The following TMEM132B variants were observed in gnomAD, a reference collection of about 807,000 sequenced individuals.
The protein encoded by TMEM132B is transmembrane protein 132B.
TMEM132B carries 18 observed loss-of-function variants against 90.8 expected under a neutral mutation model. That is an observed-to-expected ratio of 0.20 (90% CI 0.14 to 0.29). The LOEUF (loss-of-function observed/expected upper bound fraction) is 0.29. TMEM132B is among the 10% of genes least tolerant of loss of function. The pLI is 1.00. For missense variants in TMEM132B, 1,096 were observed against 1,326.8 expected (o/e 0.83, Z 2.70); for synonymous variants, 504 against 523.3 (o/e 0.96, Z 0.50).
chr12:125,573,791 C>A (rs956516011), intron 4 of TMEM132B, among the ~76,000 whole-genome samples: 28 of 152,108 alleles, frequency 1.8e-4, no homozygotes, highest in African/African-American at 6.0e-4. Flanking sequence ...GTTTCATTGG[C>A]AAATTCAAAT....
intron 4 of TMEM132B, among the ~76,000 whole-genome samples, chr12:125,582,784 TCATAAGG>T: frequency 6.6e-6 from 1 of 152,326 alleles, no homozygotes; most frequent in East Asian, 1.9e-4. Context: ...TATTAAATTT[TCATAAGG>T]TCCCCATACA....
intron 3 of TMEM132B, among the ~76,000 whole-genome samples, chr12:125,499,052 AC>A (rs1168649582): frequency 1.5e-4 from 23 of 152,220 alleles, no homozygotes; most frequent in African/African-American, 5.5e-4. Flanking sequence ...CAAGGCCTCT[AC>A]TAGGCCTTTG....
intron 1 of TMEM132B, among the ~76,000 whole-genome samples, chr12:125,264,947 A>T (rs1593060974): frequency 6.6e-6 from 1 of 152,176 alleles, no homozygotes; most frequent in Non-Finnish European, 1.5e-5. Context: ...CCTTCTGAGA[A>T]ATTTGCTGTT....
intron 4 of TMEM132B, among the ~76,000 whole-genome samples, chr12:125,526,261 C>T (rs566133163): frequency 6.6e-6 from 1 of 152,366 alleles, no homozygotes; most frequent in African/African-American, 2.4e-5. Context: ...TCTTCTTAGC[C>T]TCCCATCACC....
chr12:125,613,244 G>C, intron 5 of TMEM132B, among the ~76,000 whole-genome samples: 1 of 123,820 alleles, frequency 8.1e-6, no homozygotes. Flanking sequence ...TAATATAGTG[G>C]GTGTTTATAT....
chr12:125,658,898 A>T lies in TMEM132B; in HGVS notation c.*4188A>T, dbSNP rs1181479303. ...GAATCTGCCAGAACATTTTCATCTT[A>T]TTCTTCTTGACTTTTGGATTTTTTT... On this transcript the variant is annotated 3_prime_UTR_variant, in exon 9 of 9. Transcript: ENST00000682704. The T allele has an allele frequency of 6.6e-6, 1 of 152,152 alleles. No homozygotes were observed. The highest frequency in any genetic ancestry group is 1.9e-4 in the East Asian group (1 of 5,194). The allele number at this position is 152,152 out of a possible 1,614,324, so 9.4% of individuals were successfully genotyped here.
intron 3 of TMEM132B, among the ~76,000 whole-genome samples, chr12:125,432,528 T>TATATATATATATAGAG (rs1458075923): frequency 2.6e-5 from 1 of 39,124 alleles, no homozygotes; most frequent in African/African-American, 1.2e-4. Context: ...TATATATATA[T>TATATATATATATAGAG]AGAGAGAGAG....
intron 1 of TMEM132B, among the ~76,000 whole-genome samples, chr12:125,307,821 T>TAATAC (rs1400191352): frequency 5.6e-4 from 8 of 14,266 alleles, no homozygotes; most frequent in Admixed American, 7.4e-4. Flanking sequence ...ATAATACTTA[T>TAATAC]AAGTATATAT....
At chr12:125,396,847 A>C (rs888686422) in intron 2 of TMEM132B, among the ~76,000 whole-genome samples, 4 of 152,214 alleles carry the variant, frequency 2.6e-5, no homozygotes, top group African/African-American at 9.7e-5. Flanking sequence ...CAGGTGAGGA[A>C]ACAGAGGCAC....
At chr12:125,549,287 G>T (rs936676432) in intron 4 of TMEM132B, among the ~76,000 whole-genome samples, 3 of 152,204 alleles carry the variant, frequency 2.0e-5, no homozygotes, top group Non-Finnish European at 1.5e-5. Flanking sequence ...GACTTTCAGT[G>T]AGTCCGCCTC....
At chr12:125,551,835 C>G (rs148709862) in intron 4 of TMEM132B, among the ~76,000 whole-genome samples, 1 of 152,240 alleles carries the variant, frequency 6.6e-6, no homozygotes, top group East Asian at 1.9e-4. Flanking sequence ...CATTCTTCTT[C>G]TAGGATCAAG....
intron 4 of TMEM132B, among the ~76,000 whole-genome samples, chr12:125,535,847 T>C (rs138957432): frequency 1.0e-3 from 153 of 152,288 alleles, no homozygotes; most frequent in Non-Finnish European, 1.6e-3. Flanking sequence ...AGCTTGCAGA[T>C]AGAGTAAATT....
rs1886987675 is a variant in TMEM132B, at chr12:125,653,756, A to G, written c.2298A>G (p.Leu766=). ...EGEGQGPLIK[L]EMMISEPCQK... The stretch of plus-strand genomic sequence containing the variant: ...AAGGACAAGGGCCTTTGATTAAGTT[A>G]GAAATGATGATAAGTGAACCTTGTC... The change falls in exon 9 of 9, where the codon TTA becomes TTG. Residue 766 remains leucine, a synonymous_variant. Transcript: ENST00000682704. 2 of 1,614,238 alleles carry G rather than the reference A, an allele frequency of 1.2e-6. No individual in the cohort carries two copies. The highest frequency in any genetic ancestry group is 1.7e-5 in the Admixed American group (1 of 60,026).
At chr12:125,396,977 CTT>C (rs538463146) in intron 2 of TMEM132B, among the ~76,000 whole-genome samples, 1 of 144,342 alleles carries the variant, frequency 6.9e-6, no homozygotes. Context: ...CTTCACTATT[CTT>C]TTTTTTTTTT....
intron 5 of TMEM132B, among the ~76,000 whole-genome samples, chr12:125,589,720 A>G (rs1267705228): frequency 6.6e-6 from 1 of 152,088 alleles, no homozygotes; most frequent in Non-Finnish European, 1.5e-5. Flanking sequence ...ACACTTTTAA[A>G]TGACCAGATC....
intron 4 of TMEM132B, among the ~76,000 whole-genome samples, chr12:125,543,258 G>T (rs1454796408): frequency 6.6e-6 from 1 of 152,156 alleles, no homozygotes; most frequent in Non-Finnish European, 1.5e-5. Context: ...TCCAGGTTCT[G>T]CATTTGTGGA....
chr12:125,434,451 C>T (rs1214464671), intron 3 of TMEM132B, among the ~76,000 whole-genome samples: 1 of 141,820 alleles, frequency 7.1e-6, no homozygotes, highest in African/African-American at 2.6e-5. Flanking sequence ...TGTCCTTGGC[C>T]TGTCCGGGGT....
chr12:125,528,925 G>T (rs1883567061), intron 4 of TMEM132B, among the ~76,000 whole-genome samples: 1 of 152,090 alleles, frequency 6.6e-6, no homozygotes, highest in Non-Finnish European at 1.5e-5. Flanking sequence ...TACATTAATT[G>T]TGTACTTTAT....
Position 125,382,373 on chromosome 12 carries a change from A to T in TMEM132B, c.959+32030A>T, listed in dbSNP as rs1377744044. Among the ~76,000 whole-genome samples the T allele has an allele frequency of 2.0e-5, 3 of 152,186 alleles. No homozygotes were observed. The East Asian group carries it at 5.8e-4, about 29-fold the overall frequency. On this transcript the variant is annotated intron_variant, in intron 2 of 8. Transcript: ENST00000682704. ...TCATTCCAAGAGATGGTCCTAGGAT[A>T]CAGAATGATGATTCTGAACAGGATG...
Sources: allele counts gnomAD v4.1 joint callset (sites outside exome capture counted in the v4.1 genomes callset), GRCh38; gene constraint gnomAD v4.1.1; transcripts MANE v1.5; gene names NCBI Gene and HGNC (gene_info 2026-07-23, HGNC 2026-07-21).